The following HDLBP variants were observed in gnomAD, a reference collection of about 807,000 sequenced individuals.
The protein encoded by HDLBP is high density lipoprotein binding protein, also known as vigilin.
Under a neutral mutation model 137.3 loss-of-function variants are expected in HDLBP, and 30 were observed. The ratio of observed to expected loss-of-function variants is 0.22; its 90% CI spans 0.16 to 0.30. The LOEUF (loss-of-function observed/expected upper bound fraction) is 0.30. Among genes scored for constraint, HDLBP ranks in the 10% least tolerant of loss-of-function variants. The probability of loss-of-function intolerance (pLI) is 1.00; values close to 1 mark genes in which losing one functional copy is unlikely to be tolerated. For synonymous variants in HDLBP, 606 were observed against 596.0 expected (o/e 1.02, Z -0.24); for missense variants, 1,119 against 1,667.3 (o/e 0.67, Z 5.73).
At chr2:241,294,391 A>C (rs1041438488) in intron 1 of HDLBP, among the ~76,000 whole-genome samples, 1 of 152,230 alleles carries the variant, frequency 6.6e-6, no homozygotes, top group Admixed American at 6.5e-5. Flanking sequence ...GTCTTCCCAA[A>C]ACAATGAGTA....
At position 241,240,462 on chromosome 2, in the gene HDLBP, T is replaced by C. The variant is rs1174319024; in HGVS notation, c.2170-340A>G. On this transcript the variant is annotated intron_variant, in intron 17 of 27. Transcript: ENST00000310931. This position sits in a 1 kb window ranked among gnomAD's most constrained non-coding sequence, Gnocchi z 5.5. ...GAGGTGGGAGCAACGCGCCGGACGA[T>C]ATGTTGGCGGAGTGCACGTCCTGGG... 2.0e-5 allele frequency among the ~76,000 whole-genome samples: 3 copies of C among 152,272 alleles called. No homozygotes were observed. In the East Asian group the frequency reaches 5.8e-4, roughly 29 times the overall value.
chr2:241,255,069 G>C lies in HDLBP; in HGVS notation c.1170C>G (p.Ile390Met). 1 of 1,613,414 alleles carries C rather than the reference G, an allele frequency of 6.2e-7. No homozygotes were observed. The highest frequency in any genetic ancestry group is 2.2e-5 in the East Asian group (1 of 44,890). The change falls in exon 9 of 28, where the codon ATC (isoleucine) becomes ATG (methionine). Residue 390 changes from isoleucine (I) to methionine (M), a missense_variant. Transcript: ENST00000310931. ...IGKKGQNLAK[I>M]TQQMPKVHIE... ...TCCTTACCTTTGGCATCTGCTGAGT[G>C]ATTTTGGCCAGGTTCTGCCCTTTCT... is the stretch of plus-strand genomic sequence containing the variant.
At chr2:241,234,124 T>A (rs1209011525) in intron 23 of HDLBP, among the ~76,000 whole-genome samples, 161 bp from the exon 24 acceptor site, 1 of 152,208 alleles carries the variant, frequency 6.6e-6, no homozygotes, top group Non-Finnish European at 1.5e-5. Context: ...CTCTGCCACC[T>A]TCCATTATCT....
At chr2:241,261,093 G>A (rs1159918454) in intron 5 of HDLBP, among the ~76,000 whole-genome samples, 1 of 151,124 alleles carries the variant, frequency 6.6e-6, no homozygotes, top group Non-Finnish European at 1.5e-5. Context: ...TACTTGAAGG[G>A]CTGAGTCAGG....
chr2:241,286,557 G>A (rs149851277), intron 1 of HDLBP, among the ~76,000 whole-genome samples: 2 of 152,280 alleles, frequency 1.3e-5, no homozygotes, highest in Non-Finnish European at 2.9e-5. Context: ...CCGAACCAAT[G>A]TTCGTCCTGT....
rs1373505275 is a variant in HDLBP at position 241,236,463 on chromosome 2, C to T, written c.2904+152G>A. On this transcript the variant is annotated intron_variant, in intron 21 of 27. Transcript: ENST00000310931. Reference sequence around the variant, plus strand: ...CCAAACTCTGTGTCCAGCCGAGAAGCACAGCCCGTGCGCACACGGTAGGAG... The same window carrying T: ...CCAAACTCTGTGTCCAGCCGAGAAGTACAGCCCGTGCGCACACGGTAGGAG... 4.0e-6 allele frequency: 3 copies of T among 758,654 alleles called. No individual in the cohort carries two copies. The African/African-American group carries it at 5.2e-5, about 13-fold the overall frequency. 47.0% of individuals were successfully genotyped at this position (758,654 alleles called of 1,614,324 possible). A position where few individuals can be genotyped will look rare whatever the true frequency, so the allele number is the denominator to read the frequency against.
At position 241,227,328 on chromosome 2, in the gene HDLBP, C is replaced by T. The variant is rs181622884; in HGVS notation, c.*2273G>A. ...TTTTATTTTAGAATTTATAAAATTC[C>T]AGTGTCATCCATATTCATGAGCCTT... On this transcript the variant is annotated 3_prime_UTR_variant, in exon 28 of 28. Coordinates refer to ENST00000310931, the MANE Select transcript of HDLBP (RefSeq NM_005336.6). The T allele has an allele frequency of 1.3e-5, 2 of 152,638 alleles. No homozygotes were observed. Among genetic ancestry groups the T allele is most frequent in the African/African-American group, 4.8e-5 (2 of 41,576 alleles). The allele number at this position is 152,638 out of a possible 1,614,324, so 9.5% of individuals were successfully genotyped here. A position where few individuals can be genotyped will look rare whatever the true frequency, so the allele number is the denominator to read the frequency against.
intron 16 of HDLBP, among the ~76,000 whole-genome samples, chr2:241,244,181 A>G (rs2071495009): frequency 6.6e-6 from 1 of 152,200 alleles, no homozygotes; most frequent in Admixed American, 6.5e-5. Context: ...GAAAACCAAT[A>G]TCGCTCCTCC....
At chr2:241,287,069 G>A (rs1185802473) in intron 1 of HDLBP, among the ~76,000 whole-genome samples, 1 of 152,212 alleles carries the variant, frequency 6.6e-6, no homozygotes, top group Non-Finnish European at 1.5e-5. Context: ...CAGTTAAGGG[G>A]GCTTTAACCA....
Position 241,230,575 on chromosome 2 carries a change from T to C in HDLBP, c.3474+184A>G, listed in dbSNP as rs1337949723. On this transcript the variant is annotated intron_variant, in intron 25 of 27. Coordinates refer to ENST00000310931, the MANE Select transcript of HDLBP (RefSeq NM_005336.6). This position sits in a 1 kb window ranked among gnomAD's most constrained non-coding sequence, Gnocchi z 5.0. ...GCCCTCCTAATGGCCACCGTGGCAG[T>C]GCAGCCTCACACAGGCCGTCGCCTG... Among the ~76,000 whole-genome samples, 1 of 152,222 alleles carries C rather than the reference T, an allele frequency of 6.6e-6. No individual in the cohort carries two copies. The highest frequency in any genetic ancestry group is 2.4e-5 in the African/African-American group (1 of 41,456).
Position 241,229,211 on chromosome 2 carries a change from G to A in HDLBP, c.*390C>T, listed in dbSNP as rs962030893. 3.2e-5 allele frequency: 7 copies of A among 217,130 alleles called. No homozygotes were observed. The highest frequency in any genetic ancestry group is 9.4e-5 in the African/African-American group (4 of 42,478). 13.5% of individuals were successfully genotyped at this position (217,130 alleles called of 1,614,324 possible). A position where few individuals can be genotyped will look rare whatever the true frequency, so the allele number is the denominator to read the frequency against. The stretch of plus-strand genomic sequence containing the variant: ...GAGGTGGGAAAGGAAGAGGGCAAAC[G>A]TTTGGCTTTTATAAAGTCAAGGACG... On this transcript the variant is annotated 3_prime_UTR_variant, in exon 28 of 28. Transcript: ENST00000310931.
At chr2:241,234,784 C>T (rs576315320) in intron 23 of HDLBP, among the ~76,000 whole-genome samples, 54 of 152,218 alleles carry the variant, frequency 3.5e-4, no homozygotes, top group Non-Finnish European at 6.6e-4. Flanking sequence ...CCCCGATGCT[C>T]GTCCTCACTG....
chr2:241,261,435 A>G (rs2073172667), intron 5 of HDLBP, among the ~76,000 whole-genome samples: 1 of 152,180 alleles, frequency 6.6e-6, no homozygotes, highest in African/African-American at 2.4e-5. Context: ...GACTATATAT[A>G]TGTATACATG....
rs2069271739 is a variant in HDLBP, at chr2:241,227,801, T to C, written c.*1800A>G. The C allele has an allele frequency of 6.6e-6, 1 of 152,138 alleles. No homozygotes were observed. The highest frequency in any genetic ancestry group is 6.5e-5 in the Admixed American group (1 of 15,278). 9.4% of individuals were successfully genotyped at this position (152,138 alleles called of 1,614,324 possible). Reference sequence around the variant, plus strand: ...GACAGAGTTCCAGAACTCATGCAGATGGGGAAGAGGTGACAGCCCTTCCCC... The same window carrying C: ...GACAGAGTTCCAGAACTCATGCAGACGGGGAAGAGGTGACAGCCCTTCCCC... On this transcript the variant is annotated 3_prime_UTR_variant, in exon 28 of 28. Transcript: ENST00000310931.
chr2:241,229,758 C>G, intron 27 of HDLBP, 71 bp from the exon 28 acceptor site: 1 of 1,605,896 alleles, frequency 6.2e-7, no homozygotes, highest in Non-Finnish European at 8.5e-7. Context: ...GACGCAGTTG[C>G]CACCCTCAGG....
At position 241,256,688 on chromosome 2, in the gene HDLBP, T is replaced by C; in HGVS notation, c.569A>G (p.Asp190Gly). 1 of 1,614,228 alleles carries C rather than the reference T, an allele frequency of 6.2e-7. No individual in the cohort carries two copies. Among genetic ancestry groups the C allele is most frequent in the Non-Finnish European group, 8.5e-7 (1 of 1,180,038 alleles). ...GATCTTGATCTGATTGCTGGGGTCATCTGGGCGTGGGATCTGGATTTTGGT... is the reference window on the plus strand; with the variant it reads ...GATCTTGATCTGATTGCTGGGGTCACCTGGGCGTGGGATCTGGATTTTGGT... Reference protein sequence around the residue: ...TATKIQIPRPDDPSNQIKITG... With the variant: ...TATKIQIPRPGDPSNQIKITG... The change falls in exon 6 of 28, where the codon GAT (aspartate) becomes GGT (glycine). Residue 190 changes from aspartate (D) to glycine (G), a missense_variant. Transcript: ENST00000310931.
chr2:241,275,249 AT>A (rs2074346445), intron 1 of HDLBP, among the ~76,000 whole-genome samples: 1 of 152,190 alleles, frequency 6.6e-6, no homozygotes, highest in African/African-American at 2.4e-5. Flanking sequence ...ATCAGCACAA[AT>A]GGTAGAGAGG....
intron 17 of HDLBP, among the ~76,000 whole-genome samples, chr2:241,241,473 A>G (rs2071210154): frequency 6.9e-6 from 1 of 145,450 alleles, no homozygotes; most frequent in African/African-American, 2.5e-5. Flanking sequence ...AGGCTGAGGC[A>G]GGAGAATGGC....
In HDLBP at chr2:241,264,701, G is replaced by A; in HGVS notation, c.77-96C>T. ...TTAGTGCTTAAAAACAGACAAACAA[G>A]AACCATCAAATGCTCCAAGGACAAC... On this transcript the variant is annotated intron_variant, in intron 3 of 27. Coordinates refer to ENST00000310931, the MANE Select transcript of HDLBP (RefSeq NM_005336.6). The A allele has an allele frequency of 1.6e-5, 19 of 1,212,574 alleles. No individual in the cohort carries two copies. In the South Asian group the frequency reaches 2.5e-4, roughly 16 times the overall value. 75.1% of individuals were successfully genotyped at this position (1,212,574 alleles called of 1,614,324 possible). A position where few individuals can be genotyped will look rare whatever the true frequency, so the allele number is the denominator to read the frequency against.
Sources: gnomAD v4.1 joint callset for allele counts (sites outside exome capture counted in the v4.1 genomes callset) on GRCh38, gnomAD v4.1.1 for gene constraint, Gnocchi (gnomAD v3.1) non-coding constraint, MANE v1.5 for transcripts, NCBI Gene and HGNC (gene_info 2026-07-23, HGNC 2026-07-21) for gene names.